The following KCNH1 variants were observed in gnomAD, a reference collection of about 807,000 sequenced individuals.
KCNH1 encodes voltage-gated delayed rectifier potassium channel KCNH1.
Under a neutral mutation model 69.2 loss-of-function variants are expected in KCNH1, and 27 were observed. The ratio of observed to expected loss-of-function variants is 0.39; its 90% confidence interval spans 0.29 to 0.54. The LOEUF (loss-of-function observed/expected upper bound fraction) is 0.54, where lower values mean the gene tolerates loss of function less well. KCNH1 is among the 20% of genes least tolerant of loss of function. The pLI, the probability that KCNH1 is intolerant of heterozygous loss-of-function variation, is 0.68. For missense variants in KCNH1, 798 were observed against 1,261.6 expected, an observed-to-expected ratio of 0.63 and a Z score of 5.57; for synonymous variants, 456 against 487.7, an observed-to-expected ratio of 0.93 and a Z score of 0.86.
At chr1:210,764,557 C>A (rs1021552569) in intron 10 of KCNH1, among the ~76,000 whole-genome samples, 43 of 152,166 alleles carry the variant, frequency 2.8e-4, no homozygotes, top group African/African-American at 1.0e-3. Flanking sequence ...GGGCAAACGA[C>A]ATGAACAGAT....
At chr1:210,913,109 G>A (rs931682517) in intron 7 of KCNH1, among the ~76,000 whole-genome samples, 3 of 152,188 alleles carry the variant, frequency 2.0e-5, no homozygotes, top group African/African-American at 7.2e-5. Context: ...AGTAGTCTAA[G>A]GTTGTGTCCA....
intron 6 of KCNH1, among the ~76,000 whole-genome samples, chr1:210,991,270 C>T (rs1403703442): frequency 1.3e-5 from 2 of 152,116 alleles, no homozygotes; most frequent in Admixed American, 6.6e-5. Flanking sequence ...GAAAATTATA[C>T]AGCGTTTTTT....
intron 10 of KCNH1, among the ~76,000 whole-genome samples, chr1:210,693,578 C>T (rs775554634): frequency 3.3e-5 from 5 of 152,174 alleles, no homozygotes; most frequent in African/African-American, 4.8e-5. Context: ...TCTAGACATA[C>T]ACACCAGTTC....
At chr1:211,033,003 A>T (rs1689819399) in intron 5 of KCNH1, among the ~76,000 whole-genome samples, 1 of 152,346 alleles carries the variant, frequency 6.6e-6, no homozygotes, top group South Asian at 2.1e-4. Flanking sequence ...CATTTTTGCA[A>T]TCTACTCATC....
intron 5 of KCNH1, among the ~76,000 whole-genome samples, chr1:211,022,836 G>A (rs988391435): frequency 6.6e-6 from 1 of 152,138 alleles, no homozygotes; most frequent in Non-Finnish European, 1.5e-5. Context: ...TGATGGCCAG[G>A]CATGGTGGCT....
intron 7 of KCNH1, among the ~76,000 whole-genome samples, chr1:210,905,416 G>C (rs1339702708): frequency 6.6e-6 from 1 of 152,104 alleles, no homozygotes; most frequent in Non-Finnish European, 1.5e-5. Flanking sequence ...TCCTGGTACT[G>C]TCAAGTACCA....
chr1:211,080,168 C>T (rs1373726621), intron 5 of KCNH1, among the ~76,000 whole-genome samples: 1 of 152,134 alleles, frequency 6.6e-6, no homozygotes, highest in Non-Finnish European at 1.5e-5. Context: ...TTTGTACACA[C>T]CAATAATAGA....
At chr1:211,036,244 T>C (rs1269369111) in intron 5 of KCNH1, among the ~76,000 whole-genome samples, 2 of 152,106 alleles carry the variant, frequency 1.3e-5, no homozygotes, top group East Asian at 3.9e-4. Context: ...TAGGCAATCA[T>C]GATGGGTGAG....
intron 7 of KCNH1, among the ~76,000 whole-genome samples, chr1:210,877,481 T>A (rs1170914813): frequency 6.6e-6 from 1 of 152,158 alleles, no homozygotes. Context: ...CACACGATGC[T>A]CCATTTTCTA....
At chr1:210,956,162 G>A (rs1406840932) in intron 6 of KCNH1, among the ~76,000 whole-genome samples, 2 of 152,020 alleles carry the variant, frequency 1.3e-5, no homozygotes, top group Non-Finnish European at 1.5e-5. Flanking sequence ...GGAGATAATC[G>A]TGTGGTTTAT....
At chr1:210,823,840 C>A (rs921820322) in intron 7 of KCNH1, among the ~76,000 whole-genome samples, 3 of 152,150 alleles carry the variant, frequency 2.0e-5, no homozygotes, top group African/African-American at 7.2e-5. Flanking sequence ...ACTGTACTGG[C>A]CCTTGCCTAC....
At chr1:210,783,645 C>G (rs1401954649) in intron 9 of KCNH1, among the ~76,000 whole-genome samples, 1 of 152,228 alleles carries the variant, frequency 6.6e-6, no homozygotes, top group Non-Finnish European at 1.5e-5. Context: ...TGTAAGCTAA[C>G]TTGGACCAGG....
At chr1:210,694,650 C>G (rs1176711426) in intron 10 of KCNH1, among the ~76,000 whole-genome samples, 1 of 152,218 alleles carries the variant, frequency 6.6e-6, no homozygotes, top group Non-Finnish European at 1.5e-5. Flanking sequence ...TGGGGAGAGC[C>G]TCTGTTTTGT....
At chr1:210,834,039 C>G (rs1350064498) in intron 7 of KCNH1, among the ~76,000 whole-genome samples, 4 of 152,230 alleles carry the variant, frequency 2.6e-5, no homozygotes, top group East Asian at 1.9e-4. Context: ...GAAACAACAG[C>G]TGCTGGACAG....
intron 6 of KCNH1, among the ~76,000 whole-genome samples, chr1:210,946,484 C>G (rs6671566): frequency 0.12 from 18,783 of 152,194 alleles, 1,981 homozygotes; most frequent in African/African-American, 0.28. Flanking sequence ...AGATACTCCT[C>G]GTTCTAGAAA....
At chr1:210,821,929 G>A (rs1405706333) in intron 7 of KCNH1, among the ~76,000 whole-genome samples, 2 of 151,862 alleles carry the variant, frequency 1.3e-5, no homozygotes, top group Non-Finnish European at 2.9e-5. Context: ...CTCGAACTCC[G>A]TGGCTCAAGT....
At chr1:210,755,929 T>C (rs1288562400) in intron 10 of KCNH1, among the ~76,000 whole-genome samples, 1 of 152,174 alleles carries the variant, frequency 6.6e-6, no homozygotes, top group Non-Finnish European at 1.5e-5. Flanking sequence ...AATTTCATAA[T>C]TGCTTTTTAT....
chr1:211,016,910 A>AAAAAAAAAT (rs1689502569), intron 6 of KCNH1, among the ~76,000 whole-genome samples: 1 of 146,936 alleles, frequency 6.8e-6, no homozygotes, highest in African/African-American at 2.5e-5. Flanking sequence ...CTCTGTCTCA[A>AAAAAAAAAT]AAAAAAAAAA....
At chr1:210,736,895 T>C (rs1441919185) in intron 10 of KCNH1, among the ~76,000 whole-genome samples, 1 of 152,160 alleles carries the variant, frequency 6.6e-6, no homozygotes, top group East Asian at 1.9e-4. Context: ...TTACTTAGGC[T>C]GGGTGCCTGG....
Sources: gnomAD v4.1 joint callset for allele counts (sites outside exome capture counted in the v4.1 genomes callset) on GRCh38, gnomAD v4.1.1 for gene constraint, MANE v1.5 for transcripts, NCBI Gene and HGNC (gene_info 2026-07-23, HGNC 2026-07-21) for gene names.